CDH13: variants seen among roughly 807,000 people sequenced by gnomAD.
The protein encoded by CDH13 is cadherin 13.
A neutral mutation model predicts 63.8 loss-of-function variants in CDH13; 24 were observed. That is an observed-to-expected ratio of 0.38 (90% CI 0.27 to 0.53). CDH13 has a LOEUF of 0.53. Ranked by LOEUF, CDH13 falls within the 20% of genes least tolerant of loss-of-function variation. The pLI is 0.85. For synonymous variants in CDH13, 503 were observed against 355.3 expected (o/e 1.42, Z -4.67); for missense variants, 1,049 against 903.1 (o/e 1.16, Z -2.07).
chr16:83,372,802 C>G (rs912315492), intron 6 of CDH13, among the ~76,000 whole-genome samples: 3 of 149,872 alleles, frequency 2.0e-5, no homozygotes, highest in African/African-American at 7.3e-5. Context: ...CAACTCATCT[C>G]TGCATCTCTG....
chr16:82,940,598 T>C (rs9939177), intron 2 of CDH13, among the ~76,000 whole-genome samples: 5,489 of 152,308 alleles, frequency 0.036, 286 homozygotes, highest in African/African-American at 0.12. Context: ...TGCTTCACCT[T>C]AGCTGGTTCC....
chr16:82,886,604 C>T (rs887711211), intron 2 of CDH13, among the ~76,000 whole-genome samples: 3 of 149,876 alleles, frequency 2.0e-5, no homozygotes, highest in African/African-American at 7.4e-5. Flanking sequence ...ATGATTCTGC[C>T]AGGGCTTAAA....
chr16:83,038,007 A>T (rs1477545672), intron 3 of CDH13, among the ~76,000 whole-genome samples: 2 of 152,168 alleles, frequency 1.3e-5, no homozygotes, highest in African/African-American at 2.4e-5. Flanking sequence ...GACAGAAGCC[A>T]GAGATGGGGA....
chr16:83,256,308 C>G (rs755715576), intron 5 of CDH13, among the ~76,000 whole-genome samples: 2 of 152,046 alleles, frequency 1.3e-5, no homozygotes, highest in African/African-American at 4.8e-5. Flanking sequence ...GCTGGGATTA[C>G]GAGCATGTAC....
At chr16:83,343,297 C>A (rs1309857698) in intron 5 of CDH13, among the ~76,000 whole-genome samples, 2 of 152,280 alleles carry the variant, frequency 1.3e-5, no homozygotes, top group East Asian at 3.9e-4. Flanking sequence ...TATTTTTACT[C>A]AATATTCTAA....
chr16:83,624,506 G>A (rs1035714927), intron 8 of CDH13, among the ~76,000 whole-genome samples: 5 of 152,098 alleles, frequency 3.3e-5, no homozygotes, highest in African/African-American at 9.7e-5. Context: ...TAAGAAACGT[G>A]CAGCCTGGAT....
At chr16:82,982,976 T>A (rs1910477884) in intron 2 of CDH13, among the ~76,000 whole-genome samples, 1 of 152,246 alleles carries the variant, frequency 6.6e-6, no homozygotes, top group Middle Eastern at 3.4e-3. Context: ...GCCCTGAGAA[T>A]ATGCCTCCCA....
At chr16:83,643,813 C>G (rs1391556753) in intron 8 of CDH13, among the ~76,000 whole-genome samples, 1 of 152,166 alleles carries the variant, frequency 6.6e-6, no homozygotes, top group East Asian at 1.9e-4. Context: ...ATCATAATGT[C>G]AAACATGTCA....
chr16:83,062,563 C>T (rs1017451670), intron 3 of CDH13, among the ~76,000 whole-genome samples: 1 of 152,138 alleles, frequency 6.6e-6, no homozygotes, highest in Non-Finnish European at 1.5e-5. Context: ...CAGTTTTCTT[C>T]TCTATGTAAC....
intron 6 of CDH13, among the ~76,000 whole-genome samples, chr16:83,413,435 T>A (rs187742331): frequency 1.5e-4 from 23 of 152,342 alleles, no homozygotes; most frequent in Admixed American, 5.2e-4. Flanking sequence ...CGAGCGACTT[T>A]CATTCCTCAC....
chr16:82,854,995 A>C (rs941434457), intron 1 of CDH13, among the ~76,000 whole-genome samples: 2 of 152,164 alleles, frequency 1.3e-5, no homozygotes, highest in Non-Finnish European at 2.9e-5. Context: ...TGAATGAATG[A>C]ATGATTTGAC....
chr16:82,731,692 T>C (rs952574141), intron 1 of CDH13, among the ~76,000 whole-genome samples: 1 of 152,140 alleles, frequency 6.6e-6, no homozygotes, highest in African/African-American at 2.4e-5. Flanking sequence ...AGTGTAAGAG[T>C]TTGGAAAAAA....
At chr16:83,097,730 G>T (rs554781389) in intron 3 of CDH13, among the ~76,000 whole-genome samples, 3 of 152,148 alleles carry the variant, frequency 2.0e-5, no homozygotes, top group African/African-American at 7.2e-5. Flanking sequence ...AAATTTGTTC[G>T]TAAAGAGCAA....
intron 1 of CDH13, among the ~76,000 whole-genome samples, chr16:82,736,466 A>G (rs2033678640): frequency 3.3e-5 from 5 of 152,184 alleles, no homozygotes; most frequent in Admixed American, 3.3e-4. Flanking sequence ...AACAAGTTGC[A>G]ATTCTTGCTG....
intron 8 of CDH13, among the ~76,000 whole-genome samples, chr16:83,661,331 G>A (rs748770324): frequency 1.3e-5 from 2 of 151,964 alleles, no homozygotes; most frequent in Non-Finnish European, 2.9e-5. Flanking sequence ...TACACAAAAT[G>A]TAAAAATTAG....
chr16:82,997,382 G>A (rs1912365460), intron 2 of CDH13, among the ~76,000 whole-genome samples: 1 of 151,960 alleles, frequency 6.6e-6, no homozygotes, highest in Non-Finnish European at 1.5e-5. Flanking sequence ...GGTGAATGAG[G>A]TACTCTCTTT....
intron 1 of CDH13, among the ~76,000 whole-genome samples, chr16:82,817,548 A>G (rs1273434884): frequency 6.6e-6 from 1 of 152,190 alleles, no homozygotes; most frequent in Admixed American, 6.5e-5. Flanking sequence ...TCACACCTGT[A>G]ACTCCAGCAC....
intron 8 of CDH13, among the ~76,000 whole-genome samples, chr16:83,602,967 G>T (rs888235209): frequency 2.0e-5 from 3 of 152,188 alleles, no homozygotes; most frequent in African/African-American, 4.8e-5. Flanking sequence ...AGATTGAGAG[G>T]CCAGACGGAA....
At chr16:83,564,137 C>T (rs58189834) in intron 7 of CDH13, among the ~76,000 whole-genome samples, 1 of 152,230 alleles carries the variant, frequency 6.6e-6, no homozygotes, top group Non-Finnish European at 1.5e-5. Context: ...CTGAGAGGCA[C>T]TACTAGTATC....
Sources: gnomAD v4.1 joint callset for allele counts (sites outside exome capture counted in the v4.1 genomes callset) on GRCh38, gnomAD v4.1.1 for gene constraint, MANE v1.5 for transcripts, NCBI Gene and HGNC (gene_info 2026-07-23, HGNC 2026-07-21) for gene names.